The following DGKG variants were observed in gnomAD, a reference collection of about 807,000 sequenced individuals.
DGKG encodes DAG kinase gamma.
A neutral mutation model predicts 105.3 loss-of-function variants in DGKG; 78 were observed. That is an observed-to-expected ratio of 0.74 (90% CI 0.62 to 0.89). DGKG has a LOEUF of 0.89. Ranked by LOEUF, DGKG falls within the 40% of genes least tolerant of loss-of-function variation. DGKG has a pLI of 0.00. For missense variants in DGKG, 958 were observed against 1,020.1 expected (o/e 0.94, Z 0.83); for synonymous variants, 346 against 367.1 (o/e 0.94, Z 0.66).
rs79199877 is a variant in DGKG at position 186,236,554 on chromosome 3, C to T, written c.1826+5950G>A. On this transcript the variant is annotated intron_variant, in intron 20 of 24. Transcript: ENST00000265022. ...AAAGCCAAGTTTTGATGCCAACTTA[C>T]TCTATACCCTGCTGCCTTCTTCTAT... 5.7e-3 allele frequency among the ~76,000 whole-genome samples: 868 copies of T among 152,276 alleles called. 11 individuals carry two copies. Among genetic ancestry groups the T allele is most frequent in the African/African-American group, 0.019 (807 of 41,586 alleles).
intron 6 of DGKG, 55 bp downstream of exon 6, chr3:186,288,655 C>T (rs1723177798): frequency 2.5e-6 from 4 of 1,572,382 alleles, no homozygotes; most frequent in African/African-American, 2.7e-5. Flanking sequence ...ATGGATAGAA[C>T]CCCAGATCCT....
intron 20 of DGKG, among the ~76,000 whole-genome samples, chr3:186,227,324 G>A (rs374654815): frequency 1.3e-5 from 2 of 152,084 alleles, no homozygotes; most frequent in African/African-American, 4.8e-5. Flanking sequence ...ATTCTCACAG[G>A]CACCTTGTCA....
chr3:186,289,369 G>A (rs555502288), intron 5 of DGKG, among the ~76,000 whole-genome samples: 66 of 152,270 alleles, frequency 4.3e-4, no homozygotes, highest in Non-Finnish European at 6.0e-4. Context: ...GATAATTAAC[G>A]AATCTCCAGA....
chr3:186,251,651 G>C, intron 19 of DGKG, 108 bp downstream of exon 19: 1 of 1,295,314 alleles, frequency 7.7e-7, no homozygotes, highest in Non-Finnish European at 1.1e-6. Context: ...GGGCTGGGGG[G>C]GCAGGTAAGA....
At chr3:186,299,221 A>T (rs1365645312) in intron 3 of DGKG, among the ~76,000 whole-genome samples, 1 of 152,232 alleles carries the variant, frequency 6.6e-6, no homozygotes, top group Admixed American at 6.5e-5. Flanking sequence ...GGCTTTTGTG[A>T]ATAATAGCAG....
intron 19 of DGKG, among the ~76,000 whole-genome samples, chr3:186,247,823 G>C (rs1253622716): frequency 6.6e-6 from 1 of 152,142 alleles, no homozygotes; most frequent in Non-Finnish European, 1.5e-5. Flanking sequence ...TTGTGAAGTT[G>C]TTCATAATTG....
intron 3 of DGKG, among the ~76,000 whole-genome samples, chr3:186,306,156 A>G (rs1724226022): frequency 6.6e-6 from 1 of 152,202 alleles, no homozygotes; most frequent in African/African-American, 2.4e-5. Flanking sequence ...AGACTGATGC[A>G]AGGCATTTCA....
intron 1 of DGKG, among the ~76,000 whole-genome samples, chr3:186,344,445 A>G (rs943924399): frequency 6.6e-6 from 1 of 152,254 alleles, no homozygotes; most frequent in Admixed American, 6.5e-5. Context: ...ACATGGATGC[A>G]GGAACATGGA....
intron 1 of DGKG, among the ~76,000 whole-genome samples, chr3:186,331,870 A>G (rs78657911): frequency 3.3e-5 from 5 of 152,322 alleles, no homozygotes; most frequent in African/African-American, 9.6e-5. Context: ...CGCTTTGCAA[A>G]CTTCATCTGT....
At position 186,320,580 on chromosome 3, in the gene DGKG, T is replaced by C; in HGVS notation, c.-121A>G. The C allele has an allele frequency of 6.5e-7, 1 of 1,546,928 alleles. No individual in the cohort carries two copies. The highest frequency in any genetic ancestry group is 8.7e-7 in the Non-Finnish European group (1 of 1,143,150). ...TTGCGATGTAAGCCTTTCAGGAGAC[T>C]TCTGGGAGCACTCAAGTGTATACAG... is the stretch of plus-strand genomic sequence containing the variant. On this transcript the variant is annotated 5_prime_UTR_variant, in exon 2 of 25. Coordinates refer to ENST00000265022, the MANE Select transcript of DGKG (RefSeq NM_001346.3).
intron 1 of DGKG, among the ~76,000 whole-genome samples, chr3:186,350,090 A>C (rs1030358864): frequency 6.6e-6 from 1 of 152,160 alleles, no homozygotes; most frequent in East Asian, 1.9e-4. Context: ...GGACTTCATC[A>C]TGTTGGCCAG....
At chr3:186,304,065 G>A (rs772179913) in intron 3 of DGKG, among the ~76,000 whole-genome samples, 5 of 152,234 alleles carry the variant, frequency 3.3e-5, no homozygotes, top group Non-Finnish European at 7.3e-5. Context: ...GGCCAGCCCC[G>A]ACAGAGGCGA....
rs181771048 is a variant in DGKG at position 186,350,008 on chromosome 3, C to G, written c.-249+11938G>C. ...CAAGCGATTCTCATGCCTCAGCCTCCCGAGTAGCTGGGATACCGATGTGTG... is the reference window on the plus strand; with the variant it reads ...CAAGCGATTCTCATGCCTCAGCCTCGCGAGTAGCTGGGATACCGATGTGTG... On this transcript the variant is annotated intron_variant, in intron 1 of 24. Coordinates refer to ENST00000265022, the MANE Select transcript of DGKG (RefSeq NM_001346.3). 2.8e-3 allele frequency among the ~76,000 whole-genome samples: 421 copies of G among 152,134 alleles called. 2 individuals are homozygous for G. The highest frequency in any genetic ancestry group is 8.6e-3 in the African/African-American group (357 of 41,494).
intron 20 of DGKG, among the ~76,000 whole-genome samples, chr3:186,237,373 A>C (rs113936631): frequency 5.9e-5 from 9 of 152,222 alleles, no homozygotes; most frequent in African/African-American, 2.2e-4. Flanking sequence ...TTAATTTTGC[A>C]CTGGGTCACA....
intron 19 of DGKG, 92 bp from the exon 20 acceptor site, chr3:186,242,660 A>G (rs1446275942): frequency 2.7e-6 from 3 of 1,107,050 alleles, no homozygotes; most frequent in Non-Finnish European, 2.6e-6. Flanking sequence ...TCGCTGAGTC[A>G]TGCCAACCCT....
chr3:186,351,216 G>A (rs946699459), intron 1 of DGKG, among the ~76,000 whole-genome samples: 3 of 152,168 alleles, frequency 2.0e-5, no homozygotes, highest in African/African-American at 7.2e-5. Flanking sequence ...CGTCTGACAT[G>A]TGGATTATAT....
chr3:186,195,396 T>C (rs549160181), intron 21 of DGKG, among the ~76,000 whole-genome samples: 92 of 152,342 alleles, frequency 6.0e-4, no homozygotes, highest in African/African-American at 2.2e-3. Context: ...TCCTTGATAG[T>C]ATCATTTTTT....
chr3:186,360,586 A>C (rs1727180346), intron 1 of DGKG, among the ~76,000 whole-genome samples: 2 of 152,188 alleles, frequency 1.3e-5, no homozygotes, highest in Non-Finnish European at 2.9e-5. Context: ...GGGACATAAA[A>C]TATAAAGGGG....
chr3:186,330,542 G>C (rs767762628), intron 1 of DGKG, among the ~76,000 whole-genome samples: 3 of 152,138 alleles, frequency 2.0e-5, no homozygotes, highest in African/African-American at 4.8e-5. Context: ...AGTTCCTAAG[G>C]GCACTGAACT....
Sources: gnomAD v4.1 joint callset for allele counts (sites outside exome capture counted in the v4.1 genomes callset) on GRCh38, gnomAD v4.1.1 for gene constraint, MANE v1.5 for transcripts, NCBI Gene and HGNC (gene_info 2026-07-23, HGNC 2026-07-21) for gene names.